The following WAC variants were observed in gnomAD, a reference collection of about 807,000 sequenced individuals.
The protein encoded by WAC is WW domain-containing adapter protein with coiled-coil.
WAC carries 11 observed loss-of-function variants against 79.6 expected under a neutral mutation model. The observed-to-expected ratio is 0.14, with a 90% CI of 0.09 to 0.23. WAC has a LOEUF of 0.23. Ranked by LOEUF, WAC falls within the 10% of genes least tolerant of loss-of-function variation. The pLI is 1.00. For synonymous variants in WAC, 304 were observed against 276.9 expected, an observed-to-expected ratio of 1.10 and a Z score of -0.97; for missense variants, 728 against 773.5, an observed-to-expected ratio of 0.94 and a Z score of 0.70.
intron 3 of WAC, among the ~76,000 whole-genome samples, chr10:28,573,980 G>C (rs1337235038): frequency 1.3e-5 from 2 of 151,752 alleles, no homozygotes; most frequent in African/African-American, 4.8e-5. Flanking sequence ...TTTGTGACTG[G>C]GGTATTTCAC....
At chr10:28,617,082 C>G (rs182541058) in intron 12 of WAC, among the ~76,000 whole-genome samples, 1,855 of 150,672 alleles carry the variant, frequency 0.012, 17 homozygotes, top group Non-Finnish European at 0.016. Context: ...GACTCTGTCT[C>G]AAAAAAACAA....
chr10:28,618,412 C>T (rs958564631), intron 13 of WAC, among the ~76,000 whole-genome samples: 1 of 152,110 alleles, frequency 6.6e-6, no homozygotes, highest in Non-Finnish European at 1.5e-5. Flanking sequence ...TAGTAAATAC[C>T]AAATGGAGTT....
At chr10:28,549,502 G>C (rs1195004809) in intron 3 of WAC, among the ~76,000 whole-genome samples, 1 of 152,096 alleles carries the variant, frequency 6.6e-6, no homozygotes, top group African/African-American at 2.4e-5. Context: ...AGTTGTCCCT[G>C]ATTCTTTTTT....
At chr10:28,582,296 A>G (rs752425309) in intron 3 of WAC, among the ~76,000 whole-genome samples, 5 of 152,184 alleles carry the variant, frequency 3.3e-5, no homozygotes, top group Non-Finnish European at 7.3e-5. Context: ...ATCCACATCT[A>G]CTTAACACCT....
intron 3 of WAC, among the ~76,000 whole-genome samples, chr10:28,541,288 TATG>T (rs988650718): frequency 5.3e-5 from 8 of 152,260 alleles, no homozygotes; most frequent in South Asian, 2.1e-4. Flanking sequence ...ATCATTTTGT[TATG>T]ATGCTGGAAA....
intron 3 of WAC, among the ~76,000 whole-genome samples, chr10:28,556,525 A>AT (rs201175663): frequency 2.2e-3 from 311 of 142,874 alleles, no homozygotes; most frequent in South Asian, 0.012. Context: ...CGTTTTGTTG[A>AT]TTTTTTTCTT....
chr10:28,590,702 C>G lies in WAC; in HGVS notation c.498-18C>G. 3 of 1,538,952 alleles carry G rather than the reference C, an allele frequency of 1.9e-6. No individual in the cohort carries two copies. The highest frequency in any genetic ancestry group is 2.6e-6 in the Non-Finnish European group (3 of 1,138,512). ...CTTAATGTAATTTTTATATGTTTAT[C>G]TTTTTTTTTATTTTTAGAGAACAGA... On this transcript the variant is annotated intron_variant, in intron 5 of 13. Coordinates refer to ENST00000354911, the MANE Select transcript of WAC (RefSeq NM_016628.5).
Position 28,614,568 on chromosome 10 carries a change from T to G in WAC, c.1439T>G (p.Val480Gly), listed in dbSNP as rs1841395380. ...TCTCACCAGATTTTGACATTTCAGG[T>G]TAGTACTCCAGTAGTTAAGCAAGGA... ...STPPVSSQPK[V>G]STPVVKQGPV... The change falls in exon 11 of 14, where the codon GTT (valine) becomes GGT (glycine). Residue 480 changes from valine (V) to glycine (G), a missense_variant and splice_region_variant. By Grantham distance (109) the Val-to-Gly change is moderately radical. Around this residue, in one of 3 missense-constraint regions of WAC, gnomAD observed 648 missense variants for 661.5 expected, o/e 0.98. Coordinates refer to ENST00000354911, the MANE Select transcript of WAC (RefSeq NM_016628.5). 6.2e-6 allele frequency: 10 copies of G among 1,613,350 alleles called. No homozygotes were observed. Among genetic ancestry groups the G allele is most frequent in the Non-Finnish European group, 8.5e-6 (10 of 1,179,424 alleles).
intron 7 of WAC, among the ~76,000 whole-genome samples, chr10:28,606,287 A>C (rs1192728619): frequency 6.6e-6 from 1 of 152,216 alleles, no homozygotes; most frequent in Non-Finnish European, 1.5e-5. Context: ...TCCTGGGCTC[A>C]AGCCTTGCAA....
At chr10:28,616,605 T>G (rs1841478130) in intron 12 of WAC, among the ~76,000 whole-genome samples, 1 of 152,260 alleles carries the variant, frequency 6.6e-6, no homozygotes, top group Admixed American at 6.5e-5. Context: ...GCTTAATGCC[T>G]TATATTTATT....
intron 4 of WAC, among the ~76,000 whole-genome samples, chr10:28,585,688 G>A (rs9651358): frequency 0.03 from 4,590 of 151,948 alleles, 235 homozygotes; most frequent in African/African-American, 0.1. Context: ...ACTTTACAAA[G>A]TAACACTAAC....
At chr10:28,589,360 A>G (rs1378013613) in intron 4 of WAC, 6 of 160,874 alleles carry the variant, frequency 3.7e-5, no homozygotes, top group Non-Finnish European at 8.1e-5. Flanking sequence ...TAGAATTTAG[A>G]ACTGATGATT....
chr10:28,619,658 C>T lies in WAC; in HGVS notation c.*52C>T. ...GAGAACAGGAACTGTAAATCTGTTG[C>T]CCAATCTTAACATTTTTGAGCTGCA... On this transcript the variant is annotated 3_prime_UTR_variant, in exon 14 of 14. Transcript: ENST00000354911. 1 of 1,457,784 alleles carries T rather than the reference C, an allele frequency of 6.9e-7. No individual in the cohort carries two copies. Among genetic ancestry groups the T allele is most frequent in the Non-Finnish European group, 9.2e-7 (1 of 1,089,164 alleles). The allele number at this position is 1,457,784 out of a possible 1,614,324, so 90.3% of individuals were successfully genotyped here. A position where few individuals can be genotyped will look rare whatever the true frequency, so the allele number is the denominator to read the frequency against.
Position 28,589,750 on chromosome 10 carries a change from A to G in WAC, c.396A>G (p.Ala132=). The G allele has an allele frequency of 1.2e-6, 2 of 1,606,822 alleles. No individual in the cohort carries two copies. The highest frequency in any genetic ancestry group is 1.7e-6 in the Non-Finnish European group (2 of 1,175,904). ...SKTSDAPYDS[A]DDWSEHISSS... ...ATATTTTTAAGCCTTATGATTCTGC[A>G]GATGACTGGTCTGAGCATATTAGCT... Residue 132 remains alanine (A), a synonymous_variant, in exon 5 of 14, where the codon GCA becomes GCG. Transcript: ENST00000354911.
rs537620050 is a variant in WAC, at chr10:28,621,955, G to T, written c.*2349G>T. On this transcript the variant is annotated 3_prime_UTR_variant, in exon 14 of 14. Coordinates refer to ENST00000354911, the MANE Select transcript of WAC (RefSeq NM_016628.5). ...TGCAATGGCACGATCTCGGCTCACC[G>T]CAACCTCTGCCTCCTGGGTTCAAGC... is the stretch of plus-strand genomic sequence containing the variant. 4 of 152,468 alleles carry T rather than the reference G, an allele frequency of 2.6e-5. No individual in the cohort carries two copies. The highest frequency in any genetic ancestry group is 7.3e-5 in the African/African-American group (3 of 41,352). 9.4% of individuals were successfully genotyped at this position (152,468 alleles called of 1,614,324 possible).
chr10:28,565,209 C>T (rs1163100050), intron 3 of WAC, among the ~76,000 whole-genome samples: 4 of 152,168 alleles, frequency 2.6e-5, no homozygotes, highest in Admixed American at 2.6e-4. Context: ...AACCATACGC[C>T]ATTGAAGGAA....
intron 10 of WAC, 31 bp downstream of exon 10, chr10:28,611,953 G>A (rs190617920): frequency 1.3e-6 from 2 of 1,597,864 alleles, no homozygotes; most frequent in Non-Finnish European, 8.5e-7. Flanking sequence ...ATTCGGAAAA[G>A]AAACTACTTA....
At chr10:28,590,337 C>A (rs1310618957) in intron 5 of WAC, among the ~76,000 whole-genome samples, 5 of 141,386 alleles carry the variant, frequency 3.5e-5, no homozygotes, top group South Asian at 2.3e-4. Context: ...AAAAAAAAAT[C>A]TAGGATAGAT....
intron 3 of WAC, among the ~76,000 whole-genome samples, chr10:28,580,274 A>G (rs933236649): frequency 6.6e-6 from 1 of 152,216 alleles, no homozygotes; most frequent in South Asian, 2.1e-4. Context: ...GGTGGAAGGC[A>G]TACCATTTCT....
Sources: allele counts gnomAD v4.1 joint callset (sites outside exome capture counted in the v4.1 genomes callset), GRCh38; gene constraint gnomAD v4.1.1; regional missense constraint gnomAD v4.1.1; transcripts MANE v1.5; gene names NCBI Gene and HGNC (gene_info 2026-07-23, HGNC 2026-07-21).